The following TENM3 variants were observed in gnomAD, a reference collection of about 807,000 sequenced individuals.
TENM3 encodes teneurin-3.
In TENM3, 63 loss-of-function variants were observed where a neutral mutation model predicts 255.1. The observed-to-expected ratio is 0.25, with a 90% CI of 0.20 to 0.30. The LOEUF (loss-of-function observed/expected upper bound fraction) is 0.30. TENM3 is among the 10% of genes least tolerant of loss of function. TENM3 has a pLI of 1.00. For synonymous variants in TENM3, 1,306 were observed against 1,322.3 expected (o/e 0.99, Z 0.27); for missense variants, 2,929 against 3,461.1 (o/e 0.85, Z 3.86).
At chr4:182,567,584 A>C (rs1461485727) in intron 3 of TENM3, among the ~76,000 whole-genome samples, 1 of 152,018 alleles carries the variant, frequency 6.6e-6, no homozygotes, top group Non-Finnish European at 1.5e-5. Context: ...GCATGGTCTT[A>C]ACTAGGCCTT....
At chr4:182,704,218 G>C (rs1053389406) in intron 12 of TENM3, among the ~76,000 whole-genome samples, 1 of 152,038 alleles carries the variant, frequency 6.6e-6, no homozygotes, top group African/African-American at 2.4e-5. Flanking sequence ...TTATGGTTCA[G>C]TGGATGAAAT....
intron 1 of TENM3, among the ~76,000 whole-genome samples, chr4:182,179,827 G>A (rs1012198342): frequency 6.6e-6 from 1 of 152,100 alleles, no homozygotes; most frequent in Non-Finnish European, 1.5e-5. Context: ...TATGGTATAA[G>A]ATGCTTCTTT....
At chr4:181,629,641 T>C in the TENM3 span, among the ~76,000 whole-genome samples, 2,352 of 152,316 alleles carry the variant, frequency 0.015, 76 homozygotes, top group African/African-American at 0.054. Flanking sequence ...ATTACGTTTA[T>C]TGATTTGCAT....
At chr4:181,667,846 G>A in the TENM3 span, among the ~76,000 whole-genome samples, 4 of 152,178 alleles carry the variant, frequency 2.6e-5, no homozygotes, top group Non-Finnish European at 4.4e-5. Flanking sequence ...CCTGTCATAA[G>A]GGCACTGAGG....
At chr4:181,595,446 A>AAAAAAAAAAAG in the TENM3 span, among the ~76,000 whole-genome samples, 4 of 145,462 alleles carry the variant, frequency 2.7e-5, no homozygotes, top group Non-Finnish European at 4.5e-5. Flanking sequence ...AAAAAAAAAA[A>AAAAAAAAAAAG]AAAAAAAACA....
At chr4:182,416,442 C>A (rs184817371) in intron 3 of TENM3, among the ~76,000 whole-genome samples, 204 of 151,528 alleles carry the variant, frequency 1.3e-3, no homozygotes, top group African/African-American at 4.6e-3. Flanking sequence ...AAAAAGAAAC[C>A]TTTAATAGAG....
intron 22 of TENM3, among the ~76,000 whole-genome samples, chr4:182,766,342 CAT>C (rs1006414525): frequency 6.6e-6 from 1 of 151,990 alleles, no homozygotes; most frequent in African/African-American, 2.4e-5. Context: ...GTATCCTACC[CAT>C]GTCAGCCTTC....
At chr4:181,826,320 G>A in the TENM3 span, among the ~76,000 whole-genome samples, 1 of 152,190 alleles carries the variant, frequency 6.6e-6, no homozygotes, top group Admixed American at 6.5e-5. Flanking sequence ...ACAATTGTTA[G>A]ATGTTGGTAG....
chr4:181,586,292 C>T, the TENM3 span, among the ~76,000 whole-genome samples: 2 of 152,138 alleles, frequency 1.3e-5, no homozygotes, highest in Non-Finnish European at 1.5e-5. Context: ...TTTGAAGGAA[C>T]GTCTTCAGAG....
At chr4:181,534,079 A>G in the TENM3 span, among the ~76,000 whole-genome samples, 3 of 152,156 alleles carry the variant, frequency 2.0e-5, no homozygotes, top group Admixed American at 2.0e-4. Flanking sequence ...TTATAGACAC[A>G]AAACAGACTT....
At chr4:182,761,426 AAG>A (rs925521329) in intron 22 of TENM3, among the ~76,000 whole-genome samples, 206 of 24,640 alleles carry the variant, frequency 8.4e-3, no homozygotes, top group African/African-American at 0.044. Flanking sequence ...TCCCAAAAAA[AAG>A]AAGAAGAATT....
chr4:182,423,542 T>C (rs923075711), intron 3 of TENM3, among the ~76,000 whole-genome samples: 2 of 152,100 alleles, frequency 1.3e-5, no homozygotes, highest in Non-Finnish European at 2.9e-5. Flanking sequence ...TGACTTTTAG[T>C]CAACAAAGAA....
chr4:182,400,066 C>G (rs567712432), intron 3 of TENM3, among the ~76,000 whole-genome samples: 1 of 151,904 alleles, frequency 6.6e-6, no homozygotes, highest in South Asian at 2.1e-4. Flanking sequence ...TTTTCTGTCT[C>G]CATTTTTTTG....
At chr4:181,780,945 T>C in the TENM3 span, among the ~76,000 whole-genome samples, 1 of 152,136 alleles carries the variant, frequency 6.6e-6, no homozygotes, top group African/African-American at 2.4e-5. Flanking sequence ...TGTGTGGTAT[T>C]ATTTCTGAGG....
At chr4:182,293,149 G>A (rs1013763806) in intron 1 of TENM3, among the ~76,000 whole-genome samples, 8 of 152,168 alleles carry the variant, frequency 5.3e-5, no homozygotes, top group African/African-American at 1.9e-4. Flanking sequence ...AAGAACCGAA[G>A]CCATTAAAAG....
the TENM3 span, among the ~76,000 whole-genome samples, chr4:181,474,126 A>G: frequency 1.3e-5 from 2 of 152,066 alleles, no homozygotes; most frequent in Admixed American, 1.3e-4. Context: ...ACACATGGAC[A>G]CAGGGAAGGG....
the TENM3 span, among the ~76,000 whole-genome samples, chr4:181,979,725 T>C: frequency 6.6e-6 from 1 of 152,168 alleles, no homozygotes; most frequent in Admixed American, 6.5e-5. Context: ...CTCATCTCAC[T>C]CAGCCCTATA....
chr4:182,118,258 T>C, the TENM3 span, among the ~76,000 whole-genome samples: 11 of 152,046 alleles, frequency 7.2e-5, no homozygotes, highest in Non-Finnish European at 1.6e-4. Flanking sequence ...TCATTCCCAA[T>C]CCATATACAT....
intron 4 of TENM3, among the ~76,000 whole-genome samples, chr4:182,621,583 G>C (rs1231186128): frequency 1.0e-5 from 1 of 99,358 alleles, no homozygotes; most frequent in Admixed American, 1.0e-4. Flanking sequence ...AACAACATAG[G>C]GAGACCCCCA....
Sources: allele counts gnomAD v4.1 joint callset (sites outside exome capture counted in the v4.1 genomes callset), GRCh38; gene constraint gnomAD v4.1.1; transcripts MANE v1.5; gene names NCBI Gene and HGNC (gene_info 2026-07-23, HGNC 2026-07-21).